The following AGAP1 variants were observed in gnomAD, a reference collection of about 807,000 sequenced individuals.
The protein encoded by AGAP1 is ArfGAP with GTPase domain, ankyrin repeat and PH domain 1.
In AGAP1, 29 loss-of-function variants were observed where a neutral mutation model predicts 105.3. The observed-to-expected ratio is 0.28, with a 90% confidence interval of 0.21 to 0.38. AGAP1 has a LOEUF of 0.38. AGAP1 is among the 10% of genes least tolerant of loss of function. AGAP1 has a pLI of 1.00. For missense variants in AGAP1, 998 were observed against 1,165.1 expected, an observed-to-expected ratio of 0.86 and a Z score of 2.09; for synonymous variants, 509 against 485.9, an observed-to-expected ratio of 1.05 and a Z score of -0.63.
In AGAP1 at chr2:235,692,821, C is replaced by T. The variant is rs1263271914; in HGVS notation, c.164-16358C>T. On this transcript the variant is annotated intron_variant, in intron 1 of 17. Coordinates refer to ENST00000304032, the MANE Select transcript of AGAP1 (RefSeq NM_001037131.3). This position sits in a 1 kb window ranked among gnomAD's most constrained non-coding sequence, Gnocchi z 5.8. ...CGGCTGCTCTGCTGATTCTCGAAGG[C>T]GGAGTCAGGGTGTGCTTGGTGTGCG... Among the ~76,000 whole-genome samples, 7 of 152,138 alleles carry T rather than the reference C, an allele frequency of 4.6e-5. No homozygotes were observed. Among genetic ancestry groups the T allele is most frequent in the East Asian group, 1.9e-4 (1 of 5,176 alleles).
At chr2:236,066,777 C>T in intron 16 of AGAP1, among the ~76,000 whole-genome samples, 1 of 151,714 alleles carries the variant, frequency 6.6e-6, no homozygotes, top group Middle Eastern at 3.2e-3. Flanking sequence ...TTCCTATCAC[C>T]CCAGGAACTT....
In AGAP1 at chr2:235,509,760, C is replaced by G. The variant is rs1423278899; in HGVS notation, c.163+14911C>G. 2.6e-5 allele frequency among the ~76,000 whole-genome samples: 4 copies of G among 152,074 alleles called. No individual in the cohort carries two copies. In the East Asian group the frequency reaches 5.8e-4, roughly 22 times the overall value. ...TTCCAGAATAAAATAGAAATAAGAT[C>G]ATGCATTAAAAAGGGGGTCCCCAGC... is the stretch of plus-strand genomic sequence containing the variant. On this transcript the variant is annotated intron_variant, in intron 1 of 17. Coordinates refer to ENST00000304032, the MANE Select transcript of AGAP1 (RefSeq NM_001037131.3).
Position 236,092,921 on chromosome 2 carries a change from C to G in AGAP1, c.2115-27271C>G, listed in dbSNP as rs115068812. On this transcript the variant is annotated intron_variant, in intron 16 of 17. Transcript: ENST00000304032. This position sits in a 1 kb window ranked among gnomAD's most constrained non-coding sequence, Gnocchi z 4.7. Reference sequence around the variant, plus strand: ...CAGGGACCAGGGCAGATGCCGCAGACAGAAACAGGAGCGGCTCCAGGCCTC... The same window carrying G: ...CAGGGACCAGGGCAGATGCCGCAGAGAGAAACAGGAGCGGCTCCAGGCCTC... Among the ~76,000 whole-genome samples, 12 of 152,320 alleles carry G rather than the reference C, an allele frequency of 7.9e-5. No individual in the cohort carries two copies. The highest frequency in any genetic ancestry group is 2.9e-4 in the African/African-American group (12 of 41,582).
chr2:235,703,007 C>A (rs569273076), intron 1 of AGAP1, among the ~76,000 whole-genome samples: 1 of 137,712 alleles, frequency 7.3e-6, no homozygotes, highest in East Asian at 2.6e-4. Flanking sequence ...AGCTCACTGC[C>A]ACCTCCACCT....
chr2:236,064,841 A>G (rs187983465), intron 16 of AGAP1, among the ~76,000 whole-genome samples: 117 of 152,366 alleles, frequency 7.7e-4, no homozygotes, highest in African/African-American at 2.7e-3. Flanking sequence ...CTAAATTGCC[A>G]AACTATACCT....
rs1296039544 is a variant in AGAP1 at position 236,076,263 on chromosome 2, A to C, written c.2114+26982A>C. Among the ~76,000 whole-genome samples, 1 of 152,174 alleles carries C rather than the reference A, an allele frequency of 6.6e-6. No individual in the cohort carries two copies. The highest frequency in any genetic ancestry group is 1.5e-5 in the Non-Finnish European group (1 of 68,026). On this transcript the variant is annotated intron_variant, in intron 16 of 17. Coordinates refer to ENST00000304032, the MANE Select transcript of AGAP1 (RefSeq NM_001037131.3). This position sits in a 1 kb window ranked among gnomAD's most constrained non-coding sequence, Gnocchi z 4.4. ...TCAGGAGTTCGAGACCAGCCTGGCC[A>C]ACATGGTGAACCCCCATCTACTACA... is the stretch of plus-strand genomic sequence containing the variant.
chr2:235,706,202 A>G (rs73124482), intron 1 of AGAP1, among the ~76,000 whole-genome samples: 11,632 of 152,032 alleles, frequency 0.077, 1,460 homozygotes, highest in African/African-American at 0.26. Flanking sequence ...ATGCATATTT[A>G]TTTTGTTTTG....
chr2:235,799,488 G>A lies in AGAP1; in HGVS notation c.923G>A (p.Arg308His), dbSNP rs369405118. The stretch of plus-strand genomic sequence containing the variant: ...ACTGCCAACACGCCCACGCCCGTTC[G>A]CAAGCAGTCTAAGCGCCGGTCCAAC... ...PPTANTPTPV[R>H]KQSKRRSNLF... The change falls in exon 8 of 18, where the codon CGC (arginine) becomes CAC (histidine). Residue 308 changes from arginine (R) to histidine (H), a missense_variant. Around this residue, in one of 3 missense-constraint regions of AGAP1, gnomAD observed 735 missense variants for 833.4 expected, o/e 0.88. Transcript: ENST00000304032. This position sits in a 1 kb window ranked among gnomAD's most constrained non-coding sequence, Gnocchi z 5.0. 15 of 1,614,178 alleles carry A rather than the reference G, an allele frequency of 9.3e-6. No individual in the cohort carries two copies. The highest frequency in any genetic ancestry group is 4.0e-5 in the African/African-American group (3 of 75,048).
rs966926609 is a variant in AGAP1, at chr2:235,964,961, A to C, written c.1484-3501A>C. On this transcript the variant is annotated intron_variant, in intron 12 of 17. Transcript: ENST00000304032. The surrounding 1 kb of genome is among the most constrained non-coding windows in gnomAD (Gnocchi z 4.6). ...CTCGAGGTCCCAGGCTGCTCAAGGCAAGGGAAGTGTCTTATTTAAACCTGC... is the reference window on the plus strand; with the variant it reads ...CTCGAGGTCCCAGGCTGCTCAAGGCCAGGGAAGTGTCTTATTTAAACCTGC... Among the ~76,000 whole-genome samples, 5 of 152,178 alleles carry C rather than the reference A, an allele frequency of 3.3e-5. No individual in the cohort carries two copies. The East Asian group carries it at 9.7e-4, about 29-fold the overall frequency.
At chr2:235,544,424 G>C (rs1416476210) in intron 1 of AGAP1, among the ~76,000 whole-genome samples, 1 of 152,230 alleles carries the variant, frequency 6.6e-6, no homozygotes, top group Non-Finnish European at 1.5e-5. Flanking sequence ...TAGAAGGAAA[G>C]GATACTCTTT....
intron 9 of AGAP1, among the ~76,000 whole-genome samples, chr2:235,849,979 TC>T (rs1961999936): frequency 6.6e-6 from 1 of 152,178 alleles, no homozygotes; most frequent in Admixed American, 6.5e-5. Context: ...CATAGCCTCT[TC>T]CTCTTCCATG....
intron 11 of AGAP1, among the ~76,000 whole-genome samples, chr2:235,925,127 C>T (rs1279622060): frequency 6.6e-6 from 1 of 152,274 alleles, no homozygotes; most frequent in East Asian, 1.9e-4. Context: ...TAAGTGTACC[C>T]TCGGCTTCCG....
chr2:235,968,465 C>T lies in AGAP1; in HGVS notation c.1487C>T (p.Thr496Ile), dbSNP rs146777361. Residue 496 changes from threonine (T) to isoleucine (I), a missense_variant, in exon 13 of 18, where the codon ACA (threonine) becomes ATA (isoleucine). This residue lies in a region of AGAP1 where 735 missense variants were observed against 833.4 expected (regional missense o/e 0.88). Transcript: ENST00000304032. The part of the protein sequence containing the change: ...VIANSAISSD[T>I]GLGDSVCSSP... ...GCCTTTTCCGGTCCAATGGCAGACA[C>T]AGGGCTGGGTGACTCCGTATGCTCC... 3.6e-5 allele frequency: 56 copies of T among 1,569,258 alleles called. No individual in the cohort carries two copies. The highest frequency in any genetic ancestry group is 4.6e-5 in the Non-Finnish European group (54 of 1,164,552).
rs531681604 is a variant in AGAP1, at chr2:235,746,713, C to T, written c.538+1874C>T. ...GAATAAGCTCCCCTTCCTGCAGGCC[C>T]GACCGTGGCATTTTTGAGCAGGGTC... On this transcript the variant is annotated intron_variant, in intron 5 of 17. Transcript: ENST00000304032. Among the ~76,000 whole-genome samples the T allele has an allele frequency of 7.2e-5, 11 of 152,090 alleles. No individual in the cohort carries two copies. In the South Asian group the frequency reaches 2.1e-3, roughly 29 times the overall value.
intron 1 of AGAP1, among the ~76,000 whole-genome samples, chr2:235,686,629 A>ATATATC (rs1559350526): frequency 3.0e-4 from 13 of 43,432 alleles, no homozygotes; most frequent in South Asian, 2.9e-3. Context: ...AGATATATAT[A>ATATATC]TATATATATA....
intron 1 of AGAP1, among the ~76,000 whole-genome samples, chr2:235,567,793 A>G (rs1430554438): frequency 2.0e-5 from 3 of 151,832 alleles, no homozygotes; most frequent in Non-Finnish European, 2.9e-5. Flanking sequence ...GAGGAAGCCA[A>G]GGGGTCTGGG....
Position 235,719,754 on chromosome 2 carries a change from G to A in AGAP1, c.310+2110G>A, listed in dbSNP as rs1250293766. Among the ~76,000 whole-genome samples, 1 of 152,144 alleles carries A rather than the reference G, an allele frequency of 6.6e-6. No homozygotes were observed. Among genetic ancestry groups the A allele is most frequent in the African/African-American group, 2.4e-5 (1 of 41,430 alleles). On this transcript the variant is annotated intron_variant, in intron 3 of 17. Transcript: ENST00000304032. This position sits in a 1 kb window ranked among gnomAD's most constrained non-coding sequence, Gnocchi z 4.9. Reference sequence around the variant, plus strand: ...CTCATGCCCTGCAGCAGCCCTCCCTGGGCATGTGGCCTCTCACCTTTTGAC... The same window carrying A: ...CTCATGCCCTGCAGCAGCCCTCCCTAGGCATGTGGCCTCTCACCTTTTGAC...
rs1336014066 is a variant in AGAP1, at chr2:235,609,162, G to A, written c.164-100017G>A. Among the ~76,000 whole-genome samples the A allele has an allele frequency of 6.6e-6, 1 of 152,114 alleles. No homozygotes were observed. The highest frequency in any genetic ancestry group is 2.4e-5 in the African/African-American group (1 of 41,406). On this transcript the variant is annotated intron_variant, in intron 1 of 17. Transcript: ENST00000304032. The surrounding 1 kb of genome is among the most constrained non-coding windows in gnomAD (Gnocchi z 5.1). Reference sequence around the variant, plus strand: ...TTTGGCAGTTTTCTTTCTTGATGGTGGGGAGGGTTTGTGACCAGGTCCTAG... The same window carrying A: ...TTTGGCAGTTTTCTTTCTTGATGGTAGGGAGGGTTTGTGACCAGGTCCTAG...
At chr2:235,604,124 G>C (rs1342550874) in intron 1 of AGAP1, among the ~76,000 whole-genome samples, 1 of 151,488 alleles carries the variant, frequency 6.6e-6, no homozygotes, top group Non-Finnish European at 1.5e-5. Flanking sequence ...GCTGGTTTCA[G>C]AACCTGGCAT....
Sources: gnomAD v4.1 joint callset for allele counts (sites outside exome capture counted in the v4.1 genomes callset) on GRCh38, gnomAD v4.1.1 for gene constraint, gnomAD v4.1.1 regional missense constraint, Gnocchi (gnomAD v3.1) non-coding constraint, MANE v1.5 for transcripts, NCBI Gene and HGNC (gene_info 2026-07-23, HGNC 2026-07-21) for gene names.